Variants in TOP1MT observed in about 807,000 individuals in gnomAD.
TOP1MT encodes DNA topoisomerase I, mitochondrial.
A neutral mutation model predicts 73.9 loss-of-function variants in TOP1MT; 80 were observed. That is an observed-to-expected ratio of 1.08 (90% CI 0.90 to 1.30). The LOEUF is 1.30. Ranked by LOEUF, TOP1MT falls within the 50% of genes most tolerant of loss-of-function variation. TOP1MT has a pLI of 0.00. For synonymous variants in TOP1MT, 338 were observed against 326.4 expected, an observed-to-expected ratio of 1.04 and a Z score of -0.38; for missense variants, 815 against 808.0, an observed-to-expected ratio of 1.01 and a Z score of -0.10.
intron 13 of TOP1MT, 116 bp from the exon 14 acceptor site, chr8:143,309,659 G>C: frequency 6.5e-7 from 1 of 1,536,988 alleles, no homozygotes; most frequent in Non-Finnish European, 8.7e-7. Context: ...AGAGCCGCCT[G>C]GTGTAGCTGG....
chr8:143,336,007 G>C, upstream of TOP1MT, among the ~76,000 whole-genome samples: 1 of 152,192 alleles, frequency 6.6e-6, no homozygotes, highest in East Asian at 1.9e-4. Context: ...TCTCCAGGTG[G>C]GCCACCTCCT....
At chr8:143,329,200 G>A (rs1202789222) in intron 3 of TOP1MT, 150 bp downstream of exon 3, 3 of 865,200 alleles carry the variant, frequency 3.5e-6, no homozygotes, top group East Asian at 5.6e-5. Context: ...CCAGGAGCTC[G>A]AAGCTGCAAA....
intron 7 of TOP1MT, among the ~76,000 whole-genome samples, chr8:143,323,370 C>T (rs1277195618): frequency 7.6e-6 from 1 of 130,790 alleles, no homozygotes; most frequent in Non-Finnish European, 1.6e-5. Flanking sequence ...CACAGGCACG[C>T]CACACAGATG....
chr8:143,346,484 G>C (rs777878422), upstream of TOP1MT, among the ~76,000 whole-genome samples: 10 of 152,168 alleles, frequency 6.6e-5, no homozygotes, highest in African/African-American at 9.7e-5. Flanking sequence ...CAGCACAAGA[G>C]AATAAGAAAG....
intron 2 of TOP1MT, among the ~76,000 whole-genome samples, chr8:143,329,701 G>A (rs1187113161): frequency 6.6e-6 from 1 of 152,192 alleles, no homozygotes. Flanking sequence ...AGCTGCAGAA[G>A]ATTTCAGGCG....
chr8:143,334,627 G>A (rs1045785377), intron 1 of TOP1MT, 113 bp downstream of exon 1: 1 of 1,470,694 alleles, frequency 6.8e-7, no homozygotes, highest in Non-Finnish European at 9.1e-7. Context: ...CCCGACTTTT[G>A]GGAAAACCGG....
chr8:143,322,472 CCACACAGGCACGCCA>C (rs1816474641), intron 7 of TOP1MT, among the ~76,000 whole-genome samples: 1 of 113,156 alleles, frequency 8.8e-6, no homozygotes, highest in Non-Finnish European at 1.8e-5. Context: ...CACAGGCACG[CCACACAGGCACGCCA>C]CACGCACGCC....
chr8:143,321,619 ACGCACGC>A (rs1816376232), intron 7 of TOP1MT, among the ~76,000 whole-genome samples: 2 of 114,666 alleles, frequency 1.7e-5, no homozygotes, highest in Non-Finnish European at 3.5e-5. Flanking sequence ...CGCACGCCAC[ACGCACGC>A]CACACACAGG....
At chr8:143,345,292 C>G (rs1316168546), upstream of TOP1MT, among the ~76,000 whole-genome samples, 1 of 152,240 alleles carries the variant, frequency 6.6e-6, no homozygotes, top group Non-Finnish European at 1.5e-5. Context: ...CAGCCGAGGT[C>G]ACCCCCATGC....
chr8:143,324,610 G>T lies in TOP1MT; in HGVS notation c.691C>A (p.Pro231Thr), dbSNP rs768207317. 1 of 1,613,380 alleles carries T rather than the reference G, an allele frequency of 6.2e-7. No individual in the cohort carries two copies. Among genetic ancestry groups the T allele is most frequent in the South Asian group, 1.1e-5 (1 of 91,078 alleles). The change falls in exon 6 of 14, where the codon CCG becomes ACG. Residue 231 changes from proline to threonine, a missense_variant. By Grantham distance (38) the Pro-to-Thr change is conservative (BLOSUM62 -1). Coordinates refer to ENST00000329245, the MANE Select transcript of TOP1MT (RefSeq NM_052963.3). ...TCCTTCCACTGGTGCCCCGCCGGCG[G>T]CTCGGGGATCTTCGAGTCCCTGCAG... ...NCSRDSKIPE[P>T]PAGHQWKEVR...
intron 7 of TOP1MT, among the ~76,000 whole-genome samples, chr8:143,321,631 C>G (rs1816378235): frequency 1.9e-5 from 1 of 52,828 alleles, no homozygotes; most frequent in Non-Finnish European, 4.3e-5. Context: ...GCACGCCACA[C>G]ACAGGCACGC....
chr8:143,322,928 C>CCA (rs142406861), intron 7 of TOP1MT, among the ~76,000 whole-genome samples: 3 of 97,502 alleles, frequency 3.1e-5, no homozygotes, highest in East Asian at 3.0e-4. Context: ...CACACGCACG[C>CCA]CACACACAGG....
chr8:143,331,381 C>T (rs1479300614), intron 1 of TOP1MT, 42 bp from the exon 2 acceptor site: 2 of 1,531,166 alleles, frequency 1.3e-6, no homozygotes, highest in Non-Finnish European at 1.8e-6. Context: ...TGGGCCAGGC[C>T]CTGCATGAGC....
chr8:143,324,978 G>A (rs1816665271), intron 5 of TOP1MT, among the ~76,000 whole-genome samples: 1 of 152,162 alleles, frequency 6.6e-6, no homozygotes. Flanking sequence ...CCACCCTGTG[G>A]TCACACAGTA....
intron 1 of TOP1MT, chr8:143,355,334 C>T (rs533519504): frequency 6.6e-5 from 10 of 152,336 alleles, no homozygotes; most frequent in African/African-American, 1.4e-4. Flanking sequence ...AGATTCTACT[C>T]GCCGCGAATG....
At position 143,323,963 on chromosome 8, in the gene TOP1MT, G is replaced by A. The variant is rs117859508; in HGVS notation, c.960+36C>T. ...TGGGAGTCCTCGCCAGGAGAACCAG[G>A]ATGAAGAGCCGCCAGGAAGCGAGAA... is the stretch of plus-strand genomic sequence containing the variant. On this transcript the variant is annotated intron_variant, in intron 7 of 13. Transcript: ENST00000329245. The A allele has an allele frequency of 3.5e-3, 5,553 of 1,607,366 alleles. 14 individuals carry two copies. The highest frequency in any genetic ancestry group is 4.0e-3 in the Middle Eastern group (24 of 5,960).
chr8:143,342,596 CAG>C (rs1479343524), intron 2 of TOP1MT, among the ~76,000 whole-genome samples: 3 of 90,512 alleles, frequency 3.3e-5, no homozygotes, highest in African/African-American at 1.4e-4. Context: ...TTATTAGAGA[CAG>C]AGTCTCGCTG....
chr8:143,357,389 G>C (rs1004768658), upstream of TOP1MT, among the ~76,000 whole-genome samples: 11 of 149,392 alleles, frequency 7.4e-5, no homozygotes, highest in African/African-American at 2.8e-4. Context: ...CTGGGCGACA[G>C]AGTGAGACCT....
At chr8:143,314,733 C>T (rs1344318155) in intron 12 of TOP1MT, among the ~76,000 whole-genome samples, 1 of 152,070 alleles carries the variant, frequency 6.6e-6, no homozygotes, top group Non-Finnish European at 1.5e-5. Flanking sequence ...AGGGCACGAG[C>T]TGTTCCAGTA....
Sources: allele counts gnomAD v4.1 joint callset (sites outside exome capture counted in the v4.1 genomes callset), GRCh38; gene constraint gnomAD v4.1.1; transcripts MANE v1.5; gene names NCBI Gene and HGNC (gene_info 2026-07-23, HGNC 2026-07-21).